The following ST6GALNAC3 variants were observed in gnomAD, a reference collection of about 807,000 sequenced individuals.
ST6GALNAC3 encodes alpha-N-acetylgalactosaminide alpha-2,6-sialyltransferase 3.
A neutral mutation model predicts 32.7 loss-of-function variants in ST6GALNAC3; 25 were observed. The observed-to-expected ratio is 0.76, with a 90% CI of 0.56 to 1.07. The LOEUF (loss-of-function observed/expected upper bound fraction) is 1.07. Among genes scored for constraint, ST6GALNAC3 ranks in the 50% least tolerant of loss-of-function variants. The pLI, the probability that ST6GALNAC3 is intolerant of heterozygous loss-of-function variation, is 0.00. For synonymous variants in ST6GALNAC3, 129 were observed against 133.1 expected (o/e 0.97, Z 0.21); for missense variants, 355 against 382.4 (o/e 0.93, Z 0.60).
intron 3 of ST6GALNAC3, among the ~76,000 whole-genome samples, chr1:76,578,070 T>C (rs913515880): frequency 2.0e-5 from 3 of 152,108 alleles, no homozygotes; most frequent in Non-Finnish European, 4.4e-5. Flanking sequence ...TCTTTGATTA[T>C]GCCTGAATAA....
chr1:76,187,233 C>G (rs1031499779), intron 1 of ST6GALNAC3, among the ~76,000 whole-genome samples: 6 of 152,192 alleles, frequency 3.9e-5, no homozygotes, highest in Non-Finnish European at 1.5e-5. Context: ...ATGTATTCTA[C>G]TTCAGAGTCA....
At chr1:76,416,687 G>A (rs1231996315) in intron 3 of ST6GALNAC3, among the ~76,000 whole-genome samples, 1 of 145,918 alleles carries the variant, frequency 6.9e-6, no homozygotes, top group African/African-American at 2.5e-5. Context: ...GAGTGCAGTG[G>A]CATGATCTCT....
intron 3 of ST6GALNAC3, among the ~76,000 whole-genome samples, chr1:76,464,599 T>C (rs1261835820): frequency 6.6e-6 from 1 of 152,176 alleles, no homozygotes; most frequent in African/African-American, 2.4e-5. Context: ...CAGAAAAGAA[T>C]TAAAAAGGAT....
chr1:76,233,351 A>T (rs12128567), intron 1 of ST6GALNAC3, among the ~76,000 whole-genome samples: 11,934 of 152,258 alleles, frequency 0.078, 637 homozygotes, highest in Non-Finnish European at 0.12. Flanking sequence ...ATTATAAAAA[A>T]CTTTACAAGT....
At chr1:76,211,885 T>C (rs6674758) in intron 1 of ST6GALNAC3, among the ~76,000 whole-genome samples, 107,482 of 151,658 alleles carry the variant, frequency 0.71, 40,286 homozygotes, top group East Asian at 0.93. Flanking sequence ...TGTATACATA[T>C]GTAACAAACC....
chr1:76,386,484 A>AC (rs11445074), intron 2 of ST6GALNAC3, among the ~76,000 whole-genome samples: 150,061 of 152,322 alleles, frequency 0.99, 73,964 homozygotes, highest in Middle Eastern at 1. Context: ...GCCAGGGTGA[A>AC]TGAATTGTGA....
At chr1:76,495,295 G>T (rs1456739773) in intron 3 of ST6GALNAC3, among the ~76,000 whole-genome samples, 2 of 152,012 alleles carry the variant, frequency 1.3e-5, no homozygotes, top group Non-Finnish European at 2.9e-5. Flanking sequence ...TATAAATGTG[G>T]CTGAGAAAAC....
At chr1:76,374,279 A>G (rs1288308212) in intron 2 of ST6GALNAC3, among the ~76,000 whole-genome samples, 1 of 152,214 alleles carries the variant, frequency 6.6e-6, no homozygotes, top group Non-Finnish European at 1.5e-5. Flanking sequence ...AAACATGAGG[A>G]CATCCTATAT....
intron 2 of ST6GALNAC3, among the ~76,000 whole-genome samples, chr1:76,374,898 A>C (rs941244126): frequency 6.8e-6 from 1 of 146,002 alleles, no homozygotes; most frequent in Non-Finnish European, 1.5e-5. Context: ...AGAAATAACC[A>C]AAAAATGTTT....
At position 76,610,640 on chromosome 1, in the gene ST6GALNAC3, T is replaced by G. The variant is rs556618759; in HGVS notation, c.624-16812T>G. On this transcript the variant is annotated intron_variant, in intron 3 of 4. Transcript: ENST00000328299. Reference sequence around the variant, plus strand: ...GTATCGATCCTGTTTTAAAAACACTTTCTTTGAGGCCGTGTTGAGAGAATG... The same window carrying G: ...GTATCGATCCTGTTTTAAAAACACTGTCTTTGAGGCCGTGTTGAGAGAATG... Among the ~76,000 whole-genome samples the G allele has an allele frequency of 4.6e-5, 7 of 152,206 alleles. No homozygotes were observed. The East Asian group carries it at 1.4e-3, about 29-fold the overall frequency.
chr1:76,443,568 G>GT (rs747345444), intron 3 of ST6GALNAC3, among the ~76,000 whole-genome samples: 68 of 152,178 alleles, frequency 4.5e-4, no homozygotes, highest in Non-Finnish European at 8.7e-4. Context: ...CAGGGAACTT[G>GT]TGGCCCTTTG....
chr1:76,332,880 G>A (rs1339857811), intron 2 of ST6GALNAC3, among the ~76,000 whole-genome samples: 4 of 151,958 alleles, frequency 2.6e-5, no homozygotes, highest in Admixed American at 2.6e-4. Context: ...TACCTTCTAG[G>A]TCTTTTCTGA....
chr1:76,420,907 G>A (rs1053547947), intron 3 of ST6GALNAC3, among the ~76,000 whole-genome samples: 1 of 151,866 alleles, frequency 6.6e-6, no homozygotes, highest in Non-Finnish European at 1.5e-5. Context: ...AAAATCGTAG[G>A]GTTATGGACT....
At position 76,313,833 on chromosome 1, in the gene ST6GALNAC3, T is replaced by C; in HGVS notation, c.47T>C (p.Ile16Thr). 6.2e-7 allele frequency: 1 copy of C among 1,613,612 alleles called. No homozygotes were observed. Among genetic ancestry groups the C allele is most frequent in the Non-Finnish European group, 8.5e-7 (1 of 1,179,716 alleles). ...KRKSVIAVSFIAAFLFLLVVR... is the reference protein window; with the variant it reads ...KRKSVIAVSFTAAFLFLLVVR... The stretch of plus-strand genomic sequence containing the variant: ...AAGTCTGTGATTGCTGTGAGCTTCA[T>C]AGCAGCGTTCCTTTTCCTGCTGGTT... The change falls in exon 2 of 5, where the codon ATA (isoleucine) becomes ACA (threonine). Residue 16 changes from isoleucine to threonine, a missense_variant. By Grantham distance (89) the Ile-to-Thr change is moderately conservative. Transcript: ENST00000328299.
chr1:76,324,453 TGATG>T (rs1647028906), intron 2 of ST6GALNAC3, among the ~76,000 whole-genome samples: 2 of 152,280 alleles, frequency 1.3e-5, no homozygotes, highest in African/African-American at 4.8e-5. Flanking sequence ...ACCCTTGGTA[TGATG>T]TGATGAAACC....
At chr1:76,392,585 T>A (rs1236774878) in intron 2 of ST6GALNAC3, among the ~76,000 whole-genome samples, 1 of 152,226 alleles carries the variant, frequency 6.6e-6, no homozygotes, top group Non-Finnish European at 1.5e-5. Flanking sequence ...ACAAATAATT[T>A]GATAGACAGA....
intron 3 of ST6GALNAC3, among the ~76,000 whole-genome samples, chr1:76,479,491 A>G (rs1308879670): frequency 6.6e-6 from 1 of 152,226 alleles, no homozygotes; most frequent in Non-Finnish European, 1.5e-5. Context: ...GAGAAGTCCA[A>G]GAGCATGCTG....
chr1:76,356,719 G>A (rs971522248), intron 2 of ST6GALNAC3, among the ~76,000 whole-genome samples: 3 of 152,130 alleles, frequency 2.0e-5, no homozygotes, highest in East Asian at 1.9e-4. Context: ...GTCAGCTAGT[G>A]TCCTGAATCC....
intron 2 of ST6GALNAC3, among the ~76,000 whole-genome samples, chr1:76,320,745 G>A (rs1646949581): frequency 1.3e-5 from 2 of 151,978 alleles, no homozygotes; most frequent in Non-Finnish European, 2.9e-5. Context: ...ATACATACAT[G>A]TAATATATAT....
Sources: allele counts gnomAD v4.1 joint callset (sites outside exome capture counted in the v4.1 genomes callset), GRCh38; gene constraint gnomAD v4.1.1; transcripts MANE v1.5; gene names NCBI Gene and HGNC (gene_info 2026-07-23, HGNC 2026-07-21).